The following GARRE1 variants were observed in gnomAD, a reference collection of about 807,000 sequenced individuals.
GARRE1 encodes the protein granule associated Rac and RHOG effector protein 1.
GARRE1 carries 49 observed loss-of-function variants against 103.2 expected under a neutral mutation model. The observed-to-expected ratio is 0.47, with a 90% CI of 0.38 to 0.60. The LOEUF is 0.60. GARRE1 is among the 20% of genes least tolerant of loss of function. The pLI, the probability that GARRE1 is intolerant of heterozygous loss-of-function variation, is 0.00. For synonymous variants in GARRE1, 505 were observed against 532.8 expected (o/e 0.95, Z 0.72); for missense variants, 1,199 against 1,370.5 (o/e 0.87, Z 1.98).
chr19:34,257,800 C>T (rs945373191), intron 1 of GARRE1, among the ~76,000 whole-genome samples: 12 of 152,108 alleles, frequency 7.9e-5, no homozygotes, highest in Non-Finnish European at 1.8e-4. Context: ...TTTTCCTTGA[C>T]TTTGATCTCA....
intron 3 of GARRE1, among the ~76,000 whole-genome samples, chr19:34,322,455 A>G (rs2074093695): frequency 6.6e-6 from 1 of 152,100 alleles, no homozygotes; most frequent in South Asian, 2.1e-4. Context: ...TACAGGTGTG[A>G]GCCACCATGC....
chr19:34,347,190 G>A (rs2074215414), intron 10 of GARRE1, among the ~76,000 whole-genome samples: 1 of 151,978 alleles, frequency 6.6e-6, no homozygotes. Flanking sequence ...CTGGGTTCAA[G>A]TGATTGTCCT....
chr19:34,328,490 T>C lies in GARRE1; in HGVS notation c.1104+339T>C, dbSNP rs936588397. 7.5e-5 allele frequency among the ~76,000 whole-genome samples: 11 copies of C among 146,834 alleles called. No individual in the cohort carries two copies. The East Asian group carries it at 8.2e-4, about 11-fold the overall frequency. ...ATGGCAGTGAGCTGAGATTGCGCCA[T>C]TGCACTCCAACCTGGGCGACAAGCA... On this transcript the variant is annotated intron_variant, in intron 6 of 13. Coordinates refer to ENST00000299505, the MANE Select transcript of GARRE1 (RefSeq NM_014686.5).
chr19:34,326,251 C>T (rs1005677243), intron 3 of GARRE1, among the ~76,000 whole-genome samples: 2 of 152,228 alleles, frequency 1.3e-5, no homozygotes, highest in Non-Finnish European at 2.9e-5. Flanking sequence ...GGCATTATAG[C>T]TGCTAGTCAT....
In GARRE1 at chr19:34,341,808, A is replaced by C; in HGVS notation, c.1874A>C (p.Asn625Thr). 1 of 1,614,186 alleles carries C rather than the reference A, an allele frequency of 6.2e-7. No individual in the cohort carries two copies. The highest frequency in any genetic ancestry group is 1.3e-5 in the African/African-American group (1 of 75,048). The change falls in exon 10 of 14, where the codon AAC becomes ACC. Residue 625 changes from asparagine (N) to threonine (T), a missense_variant. Asn to Thr is a moderately conservative substitution (Grantham distance 65). Transcript: ENST00000299505. Reference sequence around the variant, plus strand: ...GGCTTTCTCATGGAGAGGCGTGAGAACTTCCTGCATGGAGATGACGGCAAG... The same window carrying C: ...GGCTTTCTCATGGAGAGGCGTGAGACCTTCCTGCATGGAGATGACGGCAAG... ...ANGFLMERRE[N>T]FLHGDDGKDE...
At chr19:34,307,573 ATATG>A (rs1302299800) in intron 2 of GARRE1, among the ~76,000 whole-genome samples, 3 of 147,476 alleles carry the variant, frequency 2.0e-5, no homozygotes, top group Admixed American at 6.9e-5. Flanking sequence ...TATTTTTTAT[ATATG>A]TATGTATATA....
chr19:34,334,942 T>C (rs917290649), intron 8 of GARRE1, among the ~76,000 whole-genome samples: 13 of 151,536 alleles, frequency 8.6e-5, no homozygotes, highest in African/African-American at 3.2e-4. Flanking sequence ...TAATCCCAGC[T>C]TAAGGCAGGA....
intron 10 of GARRE1, among the ~76,000 whole-genome samples, chr19:34,343,139 G>T (rs1336468466): frequency 6.6e-6 from 1 of 152,136 alleles, no homozygotes; most frequent in East Asian, 1.9e-4. Flanking sequence ...AGAACAAAGA[G>T]AAACAAAATT....
Position 34,300,343 on chromosome 19 carries a change from C to T in GARRE1, c.-131C>T. 1.0e-6 allele frequency: 1 copy of T among 982,238 alleles called. No homozygotes were observed. The highest frequency in any genetic ancestry group is 1.5e-6 in the Non-Finnish European group (1 of 671,594). 60.8% of individuals were successfully genotyped at this position (982,238 alleles called of 1,614,324 possible). On this transcript the variant is annotated 5_prime_UTR_variant, in exon 2 of 14. Coordinates refer to ENST00000299505, the MANE Select transcript of GARRE1 (RefSeq NM_014686.5). ...CTACATTGGATCACATGGTCACCTG[C>T]CTCATGGAAATGCCTTTTTTAAAAC...
intron 1 of GARRE1, among the ~76,000 whole-genome samples, chr19:34,262,587 C>T (rs1337355311): frequency 2.6e-5 from 4 of 152,024 alleles, no homozygotes; most frequent in Non-Finnish European, 5.9e-5. Context: ...TGAGTCACCT[C>T]GCCTGGCCTC....
intron 9 of GARRE1, 79 bp downstream of exon 9, chr19:34,340,071 T>C (rs1163525182): frequency 1.4e-6 from 2 of 1,474,954 alleles, no homozygotes; most frequent in Admixed American, 1.7e-5. Flanking sequence ...CTTGTGTCAT[T>C]GATAGTATAC....
intron 7 of GARRE1, among the ~76,000 whole-genome samples, chr19:34,332,667 A>G (rs1418066446): frequency 1.3e-5 from 2 of 152,174 alleles, no homozygotes; most frequent in East Asian, 3.9e-4. Flanking sequence ...CTCTGTTTAA[A>G]CCAGTGAAAG....
intron 2 of GARRE1, among the ~76,000 whole-genome samples, chr19:34,312,826 C>CCTCA (rs1220694005): frequency 6.6e-6 from 1 of 152,080 alleles, no homozygotes. Context: ...ACTCAGGAGG[C>CCTCA]TGAGGCAGGA....
intron 1 of GARRE1, among the ~76,000 whole-genome samples, chr19:34,255,771 A>T (rs1438899233): frequency 6.6e-6 from 1 of 150,666 alleles, no homozygotes; most frequent in Admixed American, 6.7e-5. Context: ...AAGTGTTGGG[A>T]TTACAAGTGT....
chr19:34,321,316 T>C (rs2074087873), intron 3 of GARRE1, among the ~76,000 whole-genome samples: 1 of 149,410 alleles, frequency 6.7e-6, no homozygotes, highest in Admixed American at 6.8e-5. Flanking sequence ...GACCTCGTGA[T>C]CTGCCTGCCT....
rs2145294557 is a variant in GARRE1, at chr19:34,355,291, C to T, written c.*2336C>T. ...TGTGTGAAGCCGTTTGTGTGGTCTC[C>T]ATGTAGGTGCTGTGTTCCCGGCACC... On this transcript the variant is annotated 3_prime_UTR_variant, in exon 14 of 14. Transcript: ENST00000299505. 1 of 152,744 alleles carries T rather than the reference C, an allele frequency of 6.5e-6. No homozygotes were observed. The highest frequency in any genetic ancestry group is 2.1e-4 in the South Asian group (1 of 4,828). The allele number at this position is 152,744 out of a possible 1,614,324, so 9.5% of individuals were successfully genotyped here.
At chr19:34,298,025 G>A (rs758813460) in intron 1 of GARRE1, among the ~76,000 whole-genome samples, 14 of 152,188 alleles carry the variant, frequency 9.2e-5, no homozygotes, top group Middle Eastern at 3.4e-3. Flanking sequence ...CATAAGTGAC[G>A]AAGTATGAGT....
chr19:34,255,583 G>A (rs927263211), intron 1 of GARRE1, among the ~76,000 whole-genome samples: 1 of 151,910 alleles, frequency 6.6e-6, no homozygotes. Context: ...GGACTTTACA[G>A]TATGTGATTT....
intron 7 of GARRE1, among the ~76,000 whole-genome samples, chr19:34,332,554 T>G (rs929810621): frequency 6.6e-6 from 1 of 152,174 alleles, no homozygotes. Flanking sequence ...TAGGTTATGG[T>G]TCTGGGGATG....
Sources: allele counts gnomAD v4.1 joint callset (sites outside exome capture counted in the v4.1 genomes callset), GRCh38; gene constraint gnomAD v4.1.1; transcripts MANE v1.5; gene names NCBI Gene and HGNC (gene_info 2026-07-23, HGNC 2026-07-21).